Variants in PPP1R14C observed in about 807,000 individuals in gnomAD.
PPP1R14C encodes protein phosphatase 1 regulatory inhibitor subunit 14C.
Under a neutral mutation model 20.4 loss-of-function variants are expected in PPP1R14C, and 16 were observed. That is an observed-to-expected ratio of 0.78 (90% CI 0.53 to 1.19). The LOEUF (loss-of-function observed/expected upper bound fraction) is 1.19. PPP1R14C is among the 50% of genes most tolerant of loss of function. PPP1R14C has a pLI of 0.00. For synonymous variants in PPP1R14C, 91 were observed against 91.0 expected (o/e 1.00, Z 0.00); for missense variants, 211 against 220.1 (o/e 0.96, Z 0.26).
intron 1 of PPP1R14C, among the ~76,000 whole-genome samples, chr6:150,175,889 A>G (rs1033396402): frequency 1.3e-5 from 2 of 152,230 alleles, no homozygotes; most frequent in African/African-American, 2.4e-5. Context: ...GTGGTGTTTT[A>G]TAACACTGTT....
At chr6:150,161,788 G>GT (rs1271462380) in intron 1 of PPP1R14C, among the ~76,000 whole-genome samples, 7 of 152,210 alleles carry the variant, frequency 4.6e-5, no homozygotes, top group Admixed American at 2.6e-4. Context: ...ATCCCCTTCA[G>GT]TGAGGTTGTT....
intron 1 of PPP1R14C, among the ~76,000 whole-genome samples, chr6:150,174,431 T>C (rs553669918): frequency 2.0e-5 from 3 of 151,892 alleles, no homozygotes; most frequent in South Asian, 2.1e-4. Flanking sequence ...TTAGCCAGGA[T>C]GGTCTCGATC....
At chr6:150,200,092 T>C (rs1295108699) in intron 1 of PPP1R14C, among the ~76,000 whole-genome samples, 2 of 151,518 alleles carry the variant, frequency 1.3e-5, no homozygotes, top group Non-Finnish European at 2.9e-5. Flanking sequence ...CTCTTTAACA[T>C]TAATCTTGAA....
At chr6:150,220,376 G>A (rs1778151752) in intron 3 of PPP1R14C, among the ~76,000 whole-genome samples, 1 of 152,192 alleles carries the variant, frequency 6.6e-6, no homozygotes, top group Admixed American at 6.5e-5. Flanking sequence ...AGAGGAGAAG[G>A]CAGGAGACTT....
At chr6:150,152,318 C>T (rs573698195) in intron 1 of PPP1R14C, among the ~76,000 whole-genome samples, 3 of 152,276 alleles carry the variant, frequency 2.0e-5, no homozygotes, top group East Asian at 3.9e-4. Context: ...GGGCCTCCCG[C>T]TCTGTCCCTG....
chr6:150,149,026 CT>C (rs1777211578), intron 1 of PPP1R14C, among the ~76,000 whole-genome samples: 1 of 151,942 alleles, frequency 6.6e-6, no homozygotes, highest in Admixed American at 6.6e-5. Flanking sequence ...GATCACACCA[CT>C]GTACTCCAGC....
At position 150,179,648 on chromosome 6, in the gene PPP1R14C, A is replaced by G. The variant is rs993808310; in HGVS notation, c.307-35096A>G. The stretch of plus-strand genomic sequence containing the variant: ...CTGCCATTGGTTCATGGGCTGTTAA[A>G]AAAAAAAAGGGGATAATATCCATGA... On this transcript the variant is annotated intron_variant, in intron 1 of 3. Transcript: ENST00000361131. Among the ~76,000 whole-genome samples the G allele has an allele frequency of 3.3e-5, 5 of 151,970 alleles. No individual in the cohort carries two copies. The South Asian group carries it at 6.2e-4, about 19-fold the overall frequency.
intron 1 of PPP1R14C, among the ~76,000 whole-genome samples, chr6:150,183,099 G>A (rs1777639968): frequency 6.6e-6 from 1 of 152,096 alleles, no homozygotes; most frequent in Non-Finnish European, 1.5e-5. Flanking sequence ...TATCCACTTG[G>A]CACAAATAGT....
At chr6:150,226,052 T>A (rs886327691) in intron 3 of PPP1R14C, among the ~76,000 whole-genome samples, 2 of 152,144 alleles carry the variant, frequency 1.3e-5, no homozygotes, top group African/African-American at 4.8e-5. Flanking sequence ...CACTGGCCAA[T>A]AGGGAAAGGA....
At chr6:150,216,052 C>G (rs866046945) in intron 2 of PPP1R14C, among the ~76,000 whole-genome samples, 1 of 152,164 alleles carries the variant, frequency 6.6e-6, no homozygotes, top group Non-Finnish European at 1.5e-5. Flanking sequence ...GAAGGAAAAC[C>G]GGAAAGGGGG....
chr6:150,231,924 T>C (rs1778300749), intron 3 of PPP1R14C, among the ~76,000 whole-genome samples: 1 of 152,270 alleles, frequency 6.6e-6, no homozygotes, highest in African/African-American at 2.4e-5. Flanking sequence ...TTCATTATTA[T>C]GAACAGTGGT....
At position 150,143,161 on chromosome 6, in the gene PPP1R14C, C is replaced by T. The variant is rs890452052; in HGVS notation, c.-32C>T. The T allele has an allele frequency of 2.4e-6, 3 of 1,249,496 alleles. No homozygotes were observed. The highest frequency in any genetic ancestry group is 6.6e-5 in the South Asian group (2 of 30,176). 77.4% of individuals were successfully genotyped at this position (1,249,496 alleles called of 1,614,324 possible). A position where few individuals can be genotyped will look rare whatever the true frequency, so the allele number is the denominator to read the frequency against. ...GGGCGCGCTCCGCCCGCCCCTCCTC[C>T]GGGCCGCACTGAGGCTCGGGCGCGC... On this transcript the variant is annotated 5_prime_UTR_variant, in exon 1 of 4. Transcript: ENST00000361131. The surrounding 1 kb of genome is among the most constrained non-coding windows in gnomAD (Gnocchi z 5.6).
At chr6:150,173,608 T>G (rs1308496322) in intron 1 of PPP1R14C, among the ~76,000 whole-genome samples, 10 of 152,164 alleles carry the variant, frequency 6.6e-5, no homozygotes, top group Admixed American at 6.5e-4. Flanking sequence ...GACAGGTGGG[T>G]CTCTTGGCAG....
At chr6:150,209,727 TGTG>T (rs1216533914) in intron 1 of PPP1R14C, among the ~76,000 whole-genome samples, 4 of 151,356 alleles carry the variant, frequency 2.6e-5, no homozygotes, top group African/African-American at 9.7e-5. Flanking sequence ...GTATGAGTAG[TGTG>T]GAGTGTGTGT....
At chr6:150,196,033 C>A in intron 1 of PPP1R14C, 2 of 985,432 alleles carry the variant, frequency 2.0e-6, no homozygotes, top group Middle Eastern at 5.2e-4. Context: ...GACTGGGATT[C>A]TCCTCTCTTG....
chr6:150,192,518 C>A (rs1338611686), intron 1 of PPP1R14C, among the ~76,000 whole-genome samples: 1 of 152,154 alleles, frequency 6.6e-6, no homozygotes, highest in Non-Finnish European at 1.5e-5. Context: ...CCCATGTTCA[C>A]CTCCTACTGT....
intron 1 of PPP1R14C, among the ~76,000 whole-genome samples, chr6:150,162,010 C>T (rs1777374264): frequency 6.6e-6 from 1 of 152,050 alleles, no homozygotes; most frequent in South Asian, 2.1e-4. Context: ...CTATAAATAT[C>T]TCCTGTGCTT....
At chr6:150,196,453 CT>C (rs59863369) in intron 1 of PPP1R14C, among the ~76,000 whole-genome samples, 21,361 of 146,306 alleles carry the variant, frequency 0.15, 1,643 homozygotes, top group South Asian at 0.29. Flanking sequence ...CTTCTAAGGA[CT>C]TTTTTTTTTT....
chr6:150,198,904 A>G (rs1325993472), intron 1 of PPP1R14C, among the ~76,000 whole-genome samples: 2 of 152,214 alleles, frequency 1.3e-5, no homozygotes, highest in Admixed American at 6.5e-5. Flanking sequence ...CCCTGCCTGC[A>G]GTAGGGGTAA....
Sources: gnomAD v4.1 joint callset for allele counts (sites outside exome capture counted in the v4.1 genomes callset) on GRCh38, gnomAD v4.1.1 for gene constraint, Gnocchi (gnomAD v3.1) non-coding constraint, MANE v1.5 for transcripts, NCBI Gene and HGNC (gene_info 2026-07-23, HGNC 2026-07-21) for gene names.